Variants in ZNF516 observed in about 807,000 individuals in gnomAD.
ZNF516 encodes zinc finger protein 516.
A neutral mutation model predicts 79.7 loss-of-function variants in ZNF516; 19 were observed. The ratio of observed to expected loss-of-function variants is 0.24; its 90% CI spans 0.17 to 0.35. The LOEUF is 0.35. Among genes scored for constraint, ZNF516 ranks in the 10% least tolerant of loss-of-function variants. The pLI is 1.00. For synonymous variants in ZNF516, 877 were observed against 739.5 expected (o/e 1.19, Z -3.02); for missense variants, 1,678 against 1,679.5 (o/e 1.00, Z 0.02).
intron 3 of ZNF516, among the ~76,000 whole-genome samples, chr18:76,436,994 G>A (rs1223099768): frequency 6.6e-6 from 1 of 151,924 alleles, no homozygotes; most frequent in Non-Finnish European, 1.5e-5. Context: ...TTGAGCCCGG[G>A]AGGCGGAGGT....
intron 3 of ZNF516, among the ~76,000 whole-genome samples, chr18:76,407,342 T>C (rs2075316549): frequency 6.6e-6 from 1 of 152,160 alleles, no homozygotes; most frequent in South Asian, 2.1e-4. Flanking sequence ...AGAGGAACCC[T>C]TGAGCCCAGG....
rs1915433581 is a variant in ZNF516, at chr18:76,495,201, G to A, written c.-329C>T. On this transcript the variant is annotated 5_prime_UTR_variant, in exon 1 of 7. Coordinates refer to ENST00000443185, the MANE Select transcript of ZNF516 (RefSeq NM_014643.4). ...GACGCGCACGCCCCGCGCATCTGAA[G>A]GTGAAGCCGAGCGCCCGCGGCGCGG... 6.7e-6 allele frequency: 1 copy of A among 148,778 alleles called. No homozygotes were observed. The highest frequency in any genetic ancestry group is 2.0e-4 in the East Asian group (1 of 5,024). The allele number at this position is 148,778 out of a possible 1,614,324, so 9.2% of individuals were successfully genotyped here. A position where few individuals can be genotyped will look rare whatever the true frequency, so the allele number is the denominator to read the frequency against.
intron 1 of ZNF516, chr18:76,491,532 C>G (rs1915210794): frequency 6.7e-6 from 1 of 148,962 alleles, no homozygotes; most frequent in African/African-American, 2.4e-5. Flanking sequence ...GACGTCCGCT[C>G]CACATGACGG....
At chr18:76,496,233 G>C (rs1455601979), upstream of ZNF516, 62 of 1,251,176 alleles carry the variant, frequency 5.0e-5, no homozygotes, top group Non-Finnish European at 6.2e-5. Context: ...ACGTAGACCC[G>C]GGGAGCTGCG....
intron 6 of ZNF516, among the ~76,000 whole-genome samples, chr18:76,365,144 C>G (rs772362779): frequency 6.6e-6 from 1 of 152,120 alleles, no homozygotes; most frequent in East Asian, 1.9e-4. Flanking sequence ...CAAATTAGGT[C>G]GCCATTTGTT....
chr18:76,496,116 G>A (rs1174010932), upstream of ZNF516, among the ~76,000 whole-genome samples: 2 of 145,782 alleles, frequency 1.4e-5, no homozygotes, highest in African/African-American at 5.1e-5. Flanking sequence ...ACGCTCTCCT[G>A]TTACAGGGCA....
intron 1 of ZNF516, chr18:76,491,502 G>A (rs1915208115): frequency 7.5e-6 from 1 of 133,372 alleles, no homozygotes; most frequent in Admixed American, 7.5e-5. Flanking sequence ...TTCACTTCTT[G>A]GGTTACAGTG....
chr18:76,376,756 G>C (rs2074793176), intron 4 of ZNF516, among the ~76,000 whole-genome samples: 1 of 147,428 alleles, frequency 6.8e-6, no homozygotes, highest in African/African-American at 2.4e-5. Flanking sequence ...GTGTGAGCTG[G>C]CAGGTTGTTT....
intron 1 of ZNF516, among the ~76,000 whole-genome samples, chr18:76,469,822 TAAAA>T (rs774371558): frequency 6.6e-6 from 1 of 152,096 alleles, no homozygotes; most frequent in Non-Finnish European, 1.5e-5. Flanking sequence ...ACTGTACACT[TAAAA>T]AATAGCTAAA....
chr18:76,368,422 G>C (rs2074650925), intron 6 of ZNF516, among the ~76,000 whole-genome samples: 1 of 151,888 alleles, frequency 6.6e-6, no homozygotes, highest in Admixed American at 6.6e-5. Context: ...GCTCAGATAT[G>C]GAATTTAACA....
chr18:76,487,201 G>A (rs906495125), intron 1 of ZNF516, among the ~76,000 whole-genome samples: 2 of 152,060 alleles, frequency 1.3e-5, no homozygotes, highest in African/African-American at 2.4e-5. Context: ...GTATACCATC[G>A]GAAAACATCT....
intron 3 of ZNF516, among the ~76,000 whole-genome samples, chr18:76,402,000 T>C (rs1599187255): frequency 7.0e-6 from 1 of 143,506 alleles, no homozygotes; most frequent in African/African-American, 2.5e-5. Flanking sequence ...TGTACGCGCG[T>C]GTGTACACGT....
At chr18:76,407,135 C>T (rs2075314112) in intron 3 of ZNF516, among the ~76,000 whole-genome samples, 1 of 152,124 alleles carries the variant, frequency 6.6e-6, no homozygotes, top group South Asian at 2.1e-4. Flanking sequence ...ACACCCAGGG[C>T]AGGCATGGTG....
intron 3 of ZNF516, among the ~76,000 whole-genome samples, chr18:76,411,128 C>T (rs2075368353): frequency 6.6e-6 from 1 of 152,210 alleles, no homozygotes; most frequent in Non-Finnish European, 1.5e-5. Flanking sequence ...TCTAACAGGT[C>T]CTCCTCCGGG....
rs373117880 is a variant in ZNF516 at position 76,458,778 on chromosome 18, C to T, written c.-158+4250G>A. On this transcript the variant is annotated intron_variant, in intron 2 of 6. Transcript: ENST00000443185. ...GTCGTGCGTGTGTGTGCCTCGTGTGCGTGCCTCACCGTCGTGCGTGTGCGT... is the reference window on the plus strand; with the variant it reads ...GTCGTGCGTGTGTGTGCCTCGTGTGTGTGCCTCACCGTCGTGCGTGTGCGT... 4.2e-5 allele frequency among the ~76,000 whole-genome samples: 6 copies of T among 142,988 alleles called. No individual in the cohort carries two copies. In the East Asian group the frequency reaches 6.4e-4, roughly 15 times the overall value. 93.8% of individuals were successfully genotyped at this position (142,988 alleles called of 152,430 possible).
chr18:76,399,609 G>A (rs533499580), intron 3 of ZNF516, among the ~76,000 whole-genome samples: 8 of 152,334 alleles, frequency 5.3e-5, no homozygotes, highest in Non-Finnish European at 1.0e-4. Context: ...TCATCTCAGC[G>A]AAAGCCTGGG....
At chr18:76,496,152 G>A (rs1304582614), upstream of ZNF516, 1 of 746,486 alleles carries the variant, frequency 1.3e-6, no homozygotes, top group Non-Finnish European at 1.9e-6. Context: ...GGGGAGGGGA[G>A]GGCGGGCGCG....
Position 76,442,060 on chromosome 18 carries a change from C to T in ZNF516, c.995G>A (p.Ser332Asn). The T allele has an allele frequency of 6.2e-7, 1 of 1,614,046 alleles. No homozygotes were observed. The highest frequency in any genetic ancestry group is 1.1e-5 in the South Asian group (1 of 91,092). Residue 332 changes from serine to asparagine, a missense_variant, in exon 3 of 7, where the codon AGC becomes AAC. Around this residue, in one of 5 missense-constraint regions of ZNF516, gnomAD observed 1,294 missense variants for 1,248.3 expected, o/e 1.04. Transcript: ENST00000443185. ...VQEEVIVAGL[S>N]LYEVCAKCGN... ...GCACTTGGCGCAGACCTCGTAGAGG[C>T]TCAGGCCGGCGACGATCACCTCCTC...
chr18:76,389,546 C>T (rs190768298), intron 3 of ZNF516: 16 of 152,206 alleles, frequency 1.1e-4, no homozygotes, highest in Admixed American at 6.5e-4. Flanking sequence ...GATCTCCCCC[C>T]GTCAATTCTA....
Sources: allele counts gnomAD v4.1 joint callset (sites outside exome capture counted in the v4.1 genomes callset), GRCh38; gene constraint gnomAD v4.1.1; regional missense constraint gnomAD v4.1.1; transcripts MANE v1.5; gene names NCBI Gene and HGNC (gene_info 2026-07-23, HGNC 2026-07-21).